MDGA2: variants seen among roughly 807,000 people sequenced by gnomAD.
MDGA2 encodes MAM domain-containing glycosylphosphatidylinositol anchor protein 2.
MDGA2 carries 40 observed loss-of-function variants against 117.8 expected under a neutral mutation model. The ratio of observed to expected loss-of-function variants is 0.34; its 90% confidence interval spans 0.26 to 0.44. The LOEUF is 0.44. Ranked by LOEUF, MDGA2 falls within the 20% of genes least tolerant of loss-of-function variation. The pLI, the probability that MDGA2 is intolerant of heterozygous loss-of-function variation, is 1.00. For missense variants in MDGA2, 1,123 were observed against 1,250.6 expected, an observed-to-expected ratio of 0.90 and a Z score of 1.54; for synonymous variants, 452 against 439.0, an observed-to-expected ratio of 1.03 and a Z score of -0.37.
At chr14:47,561,140 T>G (rs1353544808) in intron 1 of MDGA2, among the ~76,000 whole-genome samples, 1 of 89,928 alleles carries the variant, frequency 1.1e-5, no homozygotes, top group African/African-American at 3.3e-5. Flanking sequence ...CCTCTATCTT[T>G]GTTTTTTTTT....
chr14:47,250,765 T>C (rs1334512197), intron 2 of MDGA2, among the ~76,000 whole-genome samples: 1 of 152,232 alleles, frequency 6.6e-6, no homozygotes, highest in Admixed American at 6.5e-5. Context: ...CACACAGATA[T>C]GTGTCTTTTG....
rs141834080 is a variant in MDGA2 at position 47,396,811 on chromosome 14, C to T, written c.281-95261G>A. ...TACCATCTCATGCCGGTTAGAATGGCGATCCTTAAAAAGTTAGGAAACAAC... is the reference window on the plus strand; with the variant it reads ...TACCATCTCATGCCGGTTAGAATGGTGATCCTTAAAAAGTTAGGAAACAAC... On this transcript the variant is annotated intron_variant, in intron 1 of 16. Coordinates refer to ENST00000399232, the MANE Select transcript of MDGA2 (RefSeq NM_001113498.3). Among the ~76,000 whole-genome samples, 12 of 152,134 alleles carry T rather than the reference C, an allele frequency of 7.9e-5. No individual in the cohort carries two copies. In the East Asian group the frequency reaches 2.1e-3, roughly 27 times the overall value.
intron 2 of MDGA2, among the ~76,000 whole-genome samples, chr14:47,284,191 T>A (rs2000032): frequency 0.22 from 33,716 of 152,096 alleles, 4,738 homozygotes; most frequent in East Asian, 0.45. Flanking sequence ...TAAAAGAGAC[T>A]ATCCTCAGAG....
At chr14:47,005,893 ATTG>A (rs1887691887) in intron 8 of MDGA2, among the ~76,000 whole-genome samples, 2 of 151,618 alleles carry the variant, frequency 1.3e-5, no homozygotes, top group Non-Finnish European at 3.0e-5. Context: ...ATGCAAATCT[ATTG>A]TTAAAATTTT....
At chr14:47,479,143 T>C (rs1019289215) in intron 1 of MDGA2, among the ~76,000 whole-genome samples, 15 of 152,226 alleles carry the variant, frequency 9.9e-5, no homozygotes, top group Non-Finnish European at 1.5e-4. Context: ...TTGAAATAGA[T>C]AACATCTTGT....
At chr14:47,475,982 G>A (rs533569543) in intron 1 of MDGA2, among the ~76,000 whole-genome samples, 71 of 152,212 alleles carry the variant, frequency 4.7e-4, no homozygotes, top group African/African-American at 1.7e-3. Flanking sequence ...TGTGCATCCT[G>A]CACATGTACC....
chr14:47,437,436 C>T (rs1164294505), intron 1 of MDGA2, among the ~76,000 whole-genome samples: 1 of 152,064 alleles, frequency 6.6e-6, no homozygotes, highest in Non-Finnish European at 1.5e-5. Context: ...GATATATTTC[C>T]AGTTGTTCCA....
chr14:47,529,464 G>C (rs146062612), intron 1 of MDGA2, among the ~76,000 whole-genome samples: 3 of 151,716 alleles, frequency 2.0e-5, no homozygotes, highest in Non-Finnish European at 4.4e-5. Flanking sequence ...CCCCCCTCAG[G>C]TATTTATCTT....
chr14:47,390,683 A>C (rs1245180896), intron 1 of MDGA2, among the ~76,000 whole-genome samples: 2 of 152,186 alleles, frequency 1.3e-5, no homozygotes, highest in Non-Finnish European at 2.9e-5. Context: ...GATTTCTGTG[A>C]TGCAGGTTAC....
chr14:47,280,143 C>T (rs922786703), intron 2 of MDGA2, among the ~76,000 whole-genome samples: 1 of 151,442 alleles, frequency 6.6e-6, no homozygotes, highest in Non-Finnish European at 1.5e-5. Flanking sequence ...GGAGAAACCC[C>T]GTCTCTATTA....
chr14:47,272,705 T>C (rs952358756), intron 2 of MDGA2, among the ~76,000 whole-genome samples: 1 of 152,164 alleles, frequency 6.6e-6, no homozygotes, highest in African/African-American at 2.4e-5. Flanking sequence ...TTTGCAAAAA[T>C]TGACACTTTA....
intron 8 of MDGA2, among the ~76,000 whole-genome samples, chr14:46,958,170 T>C (rs1885639702): frequency 6.6e-6 from 1 of 152,162 alleles, no homozygotes; most frequent in Non-Finnish European, 1.5e-5. Flanking sequence ...ACCAGGCAAG[T>C]ATGCTACAAA....
intron 1 of MDGA2, among the ~76,000 whole-genome samples, chr14:47,562,162 C>G: frequency 6.6e-6 from 1 of 152,146 alleles, no homozygotes; most frequent in African/African-American, 2.4e-5. Flanking sequence ...CATCTAAGTT[C>G]TTCAAGGATA....
chr14:46,994,275 G>A lies in MDGA2; in HGVS notation c.1820-36632C>T, dbSNP rs139292915. On this transcript the variant is annotated intron_variant, in intron 8 of 16. Transcript: ENST00000399232. ...GCCCTATATGACTCTTCCTTTGGCT[G>A]ATTTTAGTCTGTATTCTTCCCTACA... 7.7e-3 allele frequency among the ~76,000 whole-genome samples: 1,178 copies of A among 152,164 alleles called. 17 individuals are homozygous for A. Among genetic ancestry groups the A allele is most frequent in the African/African-American group, 0.027 (1,128 of 41,520 alleles).
At position 47,358,423 on chromosome 14, in the gene MDGA2, C is replaced by T. The variant is rs111455954; in HGVS notation, c.281-56873G>A. On this transcript the variant is annotated intron_variant, in intron 1 of 16. Coordinates refer to ENST00000399232, the MANE Select transcript of MDGA2 (RefSeq NM_001113498.3). ...GTCACCTGCCAAGCAATCAAACCCA[C>T]CCGTTGTGCGGGTATCAAATATAGT... Among the ~76,000 whole-genome samples, 1,348 of 152,310 alleles carry T rather than the reference C, an allele frequency of 8.9e-3. 14 individuals are homozygous for T. The highest frequency in any genetic ancestry group is 0.03 in the African/African-American group (1,264 of 41,566).
intron 11 of MDGA2, among the ~76,000 whole-genome samples, chr14:46,880,406 C>T (rs1882399067): frequency 6.6e-6 from 1 of 151,814 alleles, no homozygotes; most frequent in Non-Finnish European, 1.5e-5. Context: ...TTCATTCAAA[C>T]CTGAAATACA....
intron 1 of MDGA2, among the ~76,000 whole-genome samples, chr14:47,349,950 T>A (rs1214867686): frequency 6.6e-6 from 1 of 152,200 alleles, no homozygotes; most frequent in Non-Finnish European, 1.5e-5. Context: ...AGCTATCACA[T>A]CAGATACATC....
chr14:47,400,173 G>A (rs904151440), intron 1 of MDGA2, among the ~76,000 whole-genome samples: 3 of 152,100 alleles, frequency 2.0e-5, no homozygotes, highest in Admixed American at 2.0e-4. Flanking sequence ...CCTTTACTAT[G>A]ATTTTTCTTG....
At chr14:47,302,375 G>A (rs1170814113) in intron 1 of MDGA2, among the ~76,000 whole-genome samples, 1 of 152,148 alleles carries the variant, frequency 6.6e-6, no homozygotes, top group African/African-American at 2.4e-5. Flanking sequence ...ACAGCTACTA[G>A]CTTCAAATTG....
Sources: allele counts gnomAD v4.1 joint callset (sites outside exome capture counted in the v4.1 genomes callset), GRCh38; gene constraint gnomAD v4.1.1; transcripts MANE v1.5; gene names NCBI Gene and HGNC (gene_info 2026-07-23, HGNC 2026-07-21).